CUL3: variants seen among roughly 807,000 people sequenced by gnomAD.
CUL3 encodes the protein cullin 3, also known as cullin-3.
In CUL3, 19 loss-of-function variants were observed where a neutral mutation model predicts 89.1. The ratio of observed to expected loss-of-function variants is 0.21; its 90% confidence interval spans 0.15 to 0.31. The LOEUF is 0.31. Ranked by LOEUF, CUL3 falls within the 10% of genes least tolerant of loss-of-function variation. The probability of loss-of-function intolerance (pLI) is 1.00; values close to 1 mark genes in which losing one functional copy is unlikely to be tolerated. For synonymous variants in CUL3, 351 were observed against 308.4 expected (o/e 1.14, Z -1.45); for missense variants, 469 against 942.3 (o/e 0.50, Z 6.58).
chr2:224,544,356 G>A (rs1694224736), intron 2 of CUL3, among the ~76,000 whole-genome samples: 1 of 152,096 alleles, frequency 6.6e-6, no homozygotes, highest in South Asian at 2.1e-4. Context: ...TGTTTCATCT[G>A]TTAAAGACAG....
intron 2 of CUL3, among the ~76,000 whole-genome samples, chr2:224,546,665 G>C (rs1438639939): frequency 1.7e-5 from 2 of 115,052 alleles, no homozygotes; most frequent in African/African-American, 2.9e-5. Flanking sequence ...ACAGAAATAG[G>C]ATGGGGGGGG....
intron 2 of CUL3, among the ~76,000 whole-genome samples, chr2:224,551,347 A>C (rs1694509402): frequency 1.3e-5 from 2 of 151,926 alleles, no homozygotes; most frequent in Admixed American, 1.3e-4. Context: ...CTGGGACTAC[A>C]GGTGCCCGCC....
intron 1 of CUL3, chr2:224,560,503 TG>T (rs1694869396): frequency 6.5e-6 from 1 of 153,106 alleles, no homozygotes; most frequent in Non-Finnish European, 1.5e-5. Flanking sequence ...CTTTTCCAGC[TG>T]AACAAATGTC....
At position 224,497,866 on chromosome 2, in the gene CUL3, C is replaced by T. The variant is rs535642908; in HGVS notation, c.1611-17G>A. 39 of 1,595,724 alleles carry T rather than the reference C, an allele frequency of 2.4e-5. No individual in the cohort carries two copies. Among genetic ancestry groups the T allele is most frequent in the Non-Finnish European group, 3.3e-5 (38 of 1,164,040 alleles). ...AAGTAGAACCTTCAGTAAATCAAAC[C>T]AGGTTTTAGAAAATCAAACAAACTT... On this transcript the variant is annotated splice_polypyrimidine_tract_variant and intron_variant, in intron 11 of 15. Coordinates refer to ENST00000264414, the MANE Select transcript of CUL3 (RefSeq NM_003590.5).
intron 2 of CUL3, among the ~76,000 whole-genome samples, chr2:224,544,891 A>G (rs1244727540): frequency 1.3e-5 from 2 of 152,018 alleles, no homozygotes; most frequent in Non-Finnish European, 2.9e-5. Context: ...AAACACTGCA[A>G]TGTTCTGCTA....
At chr2:224,518,813 T>C (rs1288168026) in intron 3 of CUL3, among the ~76,000 whole-genome samples, 1 of 152,224 alleles carries the variant, frequency 6.6e-6, no homozygotes, top group African/African-American at 2.4e-5. Flanking sequence ...TCCCCTTCTA[T>C]TTGCTATCGG....
At chr2:224,531,508 G>A (rs1693696323) in intron 3 of CUL3, among the ~76,000 whole-genome samples, 1 of 151,166 alleles carries the variant, frequency 6.6e-6, no homozygotes, top group Non-Finnish European at 1.5e-5. Context: ...TTTGTACAAG[G>A]AGCTGTGGTA....
chr2:224,478,425 A>G (rs2106144069), intron 14 of CUL3, 80 bp from the exon 15 acceptor site: 1 of 1,420,492 alleles, frequency 7.0e-7, no homozygotes, highest in Non-Finnish European at 9.5e-7. Context: ...AATTCAATGT[A>G]ATCCACAGAT....
At chr2:224,571,611 G>C (rs1164515162) in intron 1 of CUL3, among the ~76,000 whole-genome samples, 1 of 152,066 alleles carries the variant, frequency 6.6e-6, no homozygotes, top group Admixed American at 6.5e-5. Context: ...ACAAAAATCT[G>C]CTATAAGTCT....
At chr2:224,514,327 A>AC (rs1692952815) in intron 4 of CUL3, among the ~76,000 whole-genome samples, 2 of 152,166 alleles carry the variant, frequency 1.3e-5, no homozygotes, top group South Asian at 4.1e-4. Flanking sequence ...ACAGAAAAAA[A>AC]GAAAAAAATG....
In CUL3 at chr2:224,473,688, C is replaced by A. The variant is rs1691212354; in HGVS notation, c.*557G>T. The A allele has an allele frequency of 5.4e-6, 1 of 184,002 alleles. No homozygotes were observed. The highest frequency in any genetic ancestry group is 6.2e-5 in the Admixed American group (1 of 16,016). 11.4% of individuals were successfully genotyped at this position (184,002 alleles called of 1,614,324 possible). A position where few individuals can be genotyped will look rare whatever the true frequency, so the allele number is the denominator to read the frequency against. The stretch of plus-strand genomic sequence containing the variant: ...CATAAGGCTAGAAGATGAGTAAGTG[C>A]AAGTGGTAGAATACAGCATGCTCAA... On this transcript the variant is annotated 3_prime_UTR_variant, in exon 16 of 16. Coordinates refer to ENST00000264414, the MANE Select transcript of CUL3 (RefSeq NM_003590.5).
At chr2:224,517,913 A>C (rs191108471) in intron 3 of CUL3, among the ~76,000 whole-genome samples, 56 of 152,274 alleles carry the variant, frequency 3.7e-4, no homozygotes, top group South Asian at 1.7e-3. Context: ...TAGCTTGCCA[A>C]ATAAAAAATT....
At chr2:224,547,270 T>A (rs1162454171) in intron 2 of CUL3, among the ~76,000 whole-genome samples, 4 of 152,184 alleles carry the variant, frequency 2.6e-5, no homozygotes, top group Non-Finnish European at 4.4e-5. Context: ...CCCACTTTAC[T>A]ATCCTCATTT....
intron 1 of CUL3, among the ~76,000 whole-genome samples, chr2:224,579,893 C>G (rs936985592): frequency 1.3e-5 from 2 of 152,216 alleles, no homozygotes; most frequent in Admixed American, 1.3e-4. Context: ...CGTATCCTCT[C>G]CAATTCTAAT....
chr2:224,475,280 G>A (rs994004478), intron 15 of CUL3, among the ~76,000 whole-genome samples: 4 of 152,194 alleles, frequency 2.6e-5, no homozygotes, highest in Non-Finnish European at 5.9e-5. Context: ...GCCTCCCAAA[G>A]TGCTGGGATT....
chr2:224,507,835 C>G (rs1692658088), intron 6 of CUL3, among the ~76,000 whole-genome samples: 1 of 152,076 alleles, frequency 6.6e-6, no homozygotes, highest in South Asian at 2.1e-4. Context: ...AGTGTCAGAA[C>G]TTTACAATGA....
chr2:224,496,111 G>T, intron 12 of CUL3, 145 bp from the exon 13 acceptor site: 1 of 774,570 alleles, frequency 1.3e-6, no homozygotes, highest in Non-Finnish European at 2.0e-6. Flanking sequence ...GCTCACTGCA[G>T]CCTCAACCTC....
intron 1 of CUL3, among the ~76,000 whole-genome samples, chr2:224,580,891 T>A (rs917080974): frequency 4.1e-4 from 63 of 152,238 alleles, no homozygotes; most frequent in East Asian, 5.8e-4. Flanking sequence ...ATTTTTTTTT[T>A]TTTTTAAGAC....
At chr2:224,499,432 G>T in intron 11 of CUL3, 1 of 240,506 alleles carries the variant, frequency 4.2e-6, no homozygotes, top group South Asian at 7.8e-5. Flanking sequence ...AAGAGGTCGT[G>T]ACAGATACTT....
Sources: gnomAD v4.1 joint callset for allele counts (sites outside exome capture counted in the v4.1 genomes callset) on GRCh38, gnomAD v4.1.1 for gene constraint, MANE v1.5 for transcripts, NCBI Gene and HGNC (gene_info 2026-07-23, HGNC 2026-07-21) for gene names.